Variants in FBLN1 observed in about 807,000 individuals in gnomAD.
FBLN1 encodes fibulin 1.
A neutral mutation model predicts 89.7 loss-of-function variants in FBLN1; 34 were observed. The observed-to-expected ratio is 0.38, with a 90% CI of 0.29 to 0.50. The LOEUF (loss-of-function observed/expected upper bound fraction) is 0.50. Ranked by LOEUF, FBLN1 falls within the 20% of genes least tolerant of loss-of-function variation. The pLI, the probability that FBLN1 is intolerant of heterozygous loss-of-function variation, is 0.92. For missense variants in FBLN1, 777 were observed against 988.1 expected, an observed-to-expected ratio of 0.79 and a Z score of 2.86; for synonymous variants, 393 against 391.3, an observed-to-expected ratio of 1.00 and a Z score of -0.05.
In FBLN1 at chr22:45,550,519, A is replaced by G. The variant is rs1202998242; in HGVS notation, c.1601A>G (p.His534Arg). Reference protein sequence around the residue: ...QDIDECVTGIHNCSINETCFN... With the variant: ...QDIDECVTGIRNCSINETCFN... ...ATTGATGAGTGTGTGACTGGCATCC[A>G]CAACTGCTCCATCAACGAGACCTGC... The change falls in exon 14 of 17, where the codon CAC (histidine) becomes CGC (arginine). Residue 534 changes from histidine to arginine, a missense_variant. Coordinates refer to ENST00000327858, the MANE Select transcript of FBLN1 (RefSeq NM_006486.3). The surrounding 1 kb of genome is among the most constrained non-coding windows in gnomAD (Gnocchi z 8.4). 1 of 1,614,106 alleles carries G rather than the reference A, an allele frequency of 6.2e-7. No homozygotes were observed. Among genetic ancestry groups the G allele is most frequent in the Admixed American group, 1.7e-5 (1 of 60,022 alleles).
In FBLN1 at chr22:45,547,203, A is replaced by G; in HGVS notation, c.1440A>G (p.Glu480=). The change falls in exon 12 of 17, where the codon GAA becomes GAG. Residue 480 remains glutamate (E), a splice_region_variant and synonymous_variant. Transcript: ENST00000327858. ...QLSDVDGVTC[E]DIDECALPTG... ...GCGATGTGGATGGAGTCACCTGTGA[A>G]GGTGCGGACGCCCCTGCCTGCTGAG... 1.2e-6 allele frequency: 2 copies of G among 1,613,766 alleles called. No homozygotes were observed. The highest frequency in any genetic ancestry group is 2.2e-5 in the South Asian group (2 of 91,072).
rs933860902 is a variant in FBLN1 at position 45,541,212 on chromosome 22, G to A, written c.923-17G>A. The A allele has an allele frequency of 2.5e-6, 4 of 1,614,230 alleles. No homozygotes were observed. In the African/African-American group the frequency reaches 4.0e-5, roughly 16 times the overall value. On this transcript the variant is annotated splice_polypyrimidine_tract_variant and intron_variant, in intron 8 of 16. Coordinates refer to ENST00000327858, the MANE Select transcript of FBLN1 (RefSeq NM_006486.3). ...CTCCAGGTTTAACCACATGGTCTCT[G>A]TCTTTTCCCGCTGTAGATATCAATG...
In FBLN1 at chr22:45,531,449, G is replaced by T; in HGVS notation, c.544+125G>T. ...GCAGGAGGATTCCTTGAGCCCAGGAGGTTGTGGCTGCAGTGAGCTATGACT... is the reference window on the plus strand; with the variant it reads ...GCAGGAGGATTCCTTGAGCCCAGGATGTTGTGGCTGCAGTGAGCTATGACT... On this transcript the variant is annotated intron_variant, in intron 5 of 16. Transcript: ENST00000327858. This position sits in a 1 kb window ranked among gnomAD's most constrained non-coding sequence, Gnocchi z 4.9. 1 of 813,530 alleles carries T rather than the reference G, an allele frequency of 1.2e-6. No individual in the cohort carries two copies. The allele number at this position is 813,530 out of a possible 1,614,324, so 50.4% of individuals were successfully genotyped here.
At chr22:45,514,367 C>G (rs1257354413) in intron 1 of FBLN1, among the ~76,000 whole-genome samples, 1 of 152,182 alleles carries the variant, frequency 6.6e-6, no homozygotes, top group African/African-American at 2.4e-5. Context: ...CCTCTTCTCC[C>G]TGAAGCTCAG....
chr22:45,564,927 A>G (rs1248522834), intron 14 of FBLN1: 1 of 1,614,120 alleles, frequency 6.2e-7, no homozygotes, highest in Non-Finnish European at 8.5e-7. Flanking sequence ...AGCGGGATCA[A>G]GTAAAGAGGA....
At chr22:45,538,882 G>C (rs1286473497) in intron 8 of FBLN1, among the ~76,000 whole-genome samples, 1 of 152,164 alleles carries the variant, frequency 6.6e-6, no homozygotes, top group African/African-American at 2.4e-5. Flanking sequence ...TCTTCCTGCA[G>C]AGCTAGTACA....
intron 2 of FBLN1, 73 bp from the exon 3 acceptor site, chr22:45,525,470 C>T (rs867023310): frequency 5.0e-6 from 7 of 1,410,126 alleles, no homozygotes; most frequent in Middle Eastern, 2.4e-4. Context: ...TGAGAGCACC[C>T]CCACCCCCGA....
Position 45,533,183 on chromosome 22 carries a change from G to A in FBLN1, c.646+19G>A, listed in dbSNP as rs777335616. The stretch of plus-strand genomic sequence containing the variant: ...TGTGAAGGTAATGTCCCTATCCCAG[G>A]TGCCAGCAGGACTGGCCGGTCACTG... On this transcript the variant is annotated intron_variant, in intron 6 of 16. Transcript: ENST00000327858. 6.2e-6 allele frequency: 10 copies of A among 1,605,772 alleles called. No individual in the cohort carries two copies. The Admixed American group carries it at 1.7e-4, about 27-fold the overall frequency.
At chr22:45,518,995 A>C (rs1162194090) in intron 2 of FBLN1, among the ~76,000 whole-genome samples, 2 of 151,556 alleles carry the variant, frequency 1.3e-5, no homozygotes, top group African/African-American at 2.4e-5. Context: ...TTCCTGTGCC[A>C]CTCTGTGATT....
chr22:45,515,403 A>C (rs1431565371), intron 1 of FBLN1, among the ~76,000 whole-genome samples: 1 of 152,088 alleles, frequency 6.6e-6, no homozygotes, highest in Non-Finnish European at 1.5e-5. Context: ...AGAACATGGG[A>C]GCTACCTTCT....
chr22:45,591,969 T>C (rs2089141152), intron 16 of FBLN1, among the ~76,000 whole-genome samples: 1 of 147,280 alleles, frequency 6.8e-6, no homozygotes, highest in Non-Finnish European at 1.5e-5. Context: ...GGAAGTGTCC[T>C]GCGCGCCATT....
intron 2 of FBLN1, chr22:45,523,258 C>A: frequency 2.8e-6 from 2 of 713,198 alleles, no homozygotes; most frequent in South Asian, 1.6e-5. Flanking sequence ...AACGGCCAGT[C>A]CCAGGGAGGA....
intron 13 of FBLN1, among the ~76,000 whole-genome samples, chr22:45,548,994 G>T (rs1433597424): frequency 1.3e-5 from 2 of 152,162 alleles, no homozygotes; most frequent in Non-Finnish European, 2.9e-5. Context: ...GCTGCATCCG[G>T]CAGGAACACT....
intron 14 of FBLN1, among the ~76,000 whole-genome samples, chr22:45,555,667 T>C (rs111860512): frequency 3.9e-5 from 6 of 152,126 alleles, no homozygotes; most frequent in South Asian, 2.1e-4. Context: ...CAATACTTTG[T>C]ATCCTTCAAT....
chr22:45,503,122 G>T (rs1053122231), intron 1 of FBLN1, 58 bp downstream of exon 1: 2 of 1,191,176 alleles, frequency 1.7e-6, no homozygotes, highest in Non-Finnish European at 2.1e-6. Context: ...TCGGCCTCGC[G>T]CTCCCTGCGA....
intron 1 of FBLN1, among the ~76,000 whole-genome samples, chr22:45,514,072 C>T (rs565094091): frequency 1.3e-5 from 2 of 152,104 alleles, no homozygotes; most frequent in Admixed American, 6.5e-5. Context: ...CGTGAGCCAC[C>T]GTACCTGGCC....
rs1379913213 is a variant in FBLN1 at position 45,575,958 on chromosome 22, G to A, written c.1841-1019G>A. On this transcript the variant is annotated intron_variant, in intron 15 of 16. Coordinates refer to ENST00000327858, the MANE Select transcript of FBLN1 (RefSeq NM_006486.3). The surrounding 1 kb of genome is among the most constrained non-coding windows in gnomAD (Gnocchi z 6.3). ...TCTAGGGACATGGTGATAAGAAGGG[G>A]TCCTCCCACCCTCTCAGGGGAGGCA... is the stretch of plus-strand genomic sequence containing the variant. 6.6e-6 allele frequency among the ~76,000 whole-genome samples: 1 copy of A among 152,154 alleles called. No homozygotes were observed. The highest frequency in any genetic ancestry group is 1.5e-5 in the Non-Finnish European group (1 of 68,014).
At chr22:45,524,403 A>G (rs1358909387) in intron 2 of FBLN1, among the ~76,000 whole-genome samples, 5 of 152,114 alleles carry the variant, frequency 3.3e-5, no homozygotes, top group African/African-American at 1.2e-4. Context: ...TCACAGCCTC[A>G]TGGTTGTGTT....
chr22:45,576,817 A>G lies in FBLN1; in HGVS notation c.1841-160A>G, dbSNP rs1379780130. 6.6e-6 allele frequency among the ~76,000 whole-genome samples: 1 copy of G among 151,364 alleles called. No homozygotes were observed. The highest frequency in any genetic ancestry group is 6.6e-5 in the Admixed American group (1 of 15,196). On this transcript the variant is annotated intron_variant, in intron 15 of 16. Transcript: ENST00000327858. The surrounding 1 kb of genome is among the most constrained non-coding windows in gnomAD (Gnocchi z 5.2). Reference sequence around the variant, plus strand: ...GATATAGGAAGGTCCAGACCCCTCCACCCTCCCCACACAGGGGATCTCTGG... The same window carrying G: ...GATATAGGAAGGTCCAGACCCCTCCGCCCTCCCCACACAGGGGATCTCTGG...
Sources: gnomAD v4.1 joint callset for allele counts (sites outside exome capture counted in the v4.1 genomes callset) on GRCh38, gnomAD v4.1.1 for gene constraint, Gnocchi (gnomAD v3.1) non-coding constraint, MANE v1.5 for transcripts, NCBI Gene and HGNC (gene_info 2026-07-23, HGNC 2026-07-21) for gene names.